USP26: variants seen among roughly 807,000 people sequenced by gnomAD.
USP26 encodes the protein ubiquitin specific peptidase 26, also known as ubiquitin carboxyl-terminal hydrolase 26.
For synonymous variants in USP26, 236 were observed against 240.6 expected (o/e 0.98, Z 0.18); for missense variants, 649 against 642.3 (o/e 1.01, Z -0.11).
chrX:133,039,598 T>G (rs2067410027), intron 5 of USP26, among the ~76,000 whole-genome samples: 1 of 111,940 alleles, frequency 8.9e-6, no homozygotes, highest in South Asian at 3.7e-4. Flanking sequence ...TGGTCAAATT[T>G]AGAATATGTG....
Position 133,082,378 on chromosome X carries a change from A to G in USP26, c.-77+1329T>C, listed in dbSNP as rs188076102. ...CCCTGTAACTCTTCTCCCCTCAGAC[A>G]GACAACAAAAGTGGTCAGAGAACCA... On this transcript the variant is annotated intron_variant, in intron 5 of 5. Transcript: ENST00000511190. Among the ~76,000 whole-genome samples the G allele has an allele frequency of 5.4e-4, 60 of 111,993 alleles. No homozygotes were observed. The Middle Eastern group carries it at 0.014, about 26-fold the overall frequency.
intron 5 of USP26, among the ~76,000 whole-genome samples, chrX:133,064,028 G>A (rs1274321154): frequency 8.9e-6 from 1 of 112,228 alleles, no homozygotes; most frequent in African/African-American, 3.2e-5. Context: ...TAAAGGGATG[G>A]AGGAATATTT....
At chrX:133,031,178 G>A (rs991065629) in intron 5 of USP26, among the ~76,000 whole-genome samples, 6 of 111,850 alleles carry the variant, frequency 5.4e-5, no homozygotes, top group East Asian at 5.6e-4. Context: ...CAAATCTCAC[G>A]GAATAAAAAT....
At chrX:133,083,381 G>A (rs1040390496) in intron 5 of USP26, among the ~76,000 whole-genome samples, 18 of 111,573 alleles carry the variant, frequency 1.6e-4, no homozygotes, top group Admixed American at 2.9e-4. Context: ...TATCCACTGG[G>A]TTTAAATACC....
intron 5 of USP26, among the ~76,000 whole-genome samples, chrX:133,060,091 C>T (rs1351309534): frequency 8.9e-6 from 1 of 112,014 alleles, no homozygotes; most frequent in Non-Finnish European, 1.9e-5. Context: ...ATTAATCAAA[C>T]TGGTATTCAA....
At chrX:133,079,786 G>T (rs1405615419) in intron 5 of USP26, among the ~76,000 whole-genome samples, 3 of 111,863 alleles carry the variant, frequency 2.7e-5, no homozygotes, top group African/African-American at 9.7e-5. Context: ...TGGTGGAGCT[G>T]CAGAAGAAAT....
chrX:133,031,527 C>G (rs190027016), intron 5 of USP26, among the ~76,000 whole-genome samples: 103 of 111,417 alleles, frequency 9.2e-4, no homozygotes, highest in Middle Eastern at 4.6e-3. Flanking sequence ...CTTTCTCCAA[C>G]AGTTAGATGG....
intron 1 of USP26, among the ~76,000 whole-genome samples, chrX:133,092,642 C>T (rs1040573416): frequency 1.8e-5 from 2 of 111,538 alleles, no homozygotes; most frequent in Admixed American, 9.6e-5. Flanking sequence ...ATTCTATGGG[C>T]GAAGTGGACA....
intron 5 of USP26, chrX:133,046,012 G>A (rs921542671): frequency 8.9e-6 from 1 of 111,953 alleles, no homozygotes; most frequent in Admixed American, 9.4e-5. Flanking sequence ...AAAAGCAGGA[G>A]TATGACAGAG....
At chrX:133,043,153 G>A (rs1003240267) in intron 5 of USP26, among the ~76,000 whole-genome samples, 1 of 111,849 alleles carries the variant, frequency 8.9e-6, no homozygotes, top group Non-Finnish European at 1.9e-5. Context: ...AAAAGGATGA[G>A]AATTTTGAGA....
intron 5 of USP26, among the ~76,000 whole-genome samples, chrX:133,074,867 T>C (rs2067542390): frequency 8.9e-6 from 1 of 112,170 alleles, no homozygotes; most frequent in South Asian, 3.7e-4. Context: ...TTCAGGGATA[T>C]TACCAGGACA....
intron 5 of USP26, among the ~76,000 whole-genome samples, chrX:133,045,274 C>T (rs1249482919): frequency 8.9e-6 from 1 of 112,082 alleles, no homozygotes; most frequent in Non-Finnish European, 1.9e-5. Context: ...ACTTTTGTGT[C>T]TAGCTCAGGG....
chrX:133,026,101 A>G lies in USP26; in HGVS notation c.2120T>C (p.Phe707Ser). ...ATTGATAATCCTATCAAAAGCTACAAACTTACTGGTTTTCACATATTTCTT... is the reference window on the plus strand; with the variant it reads ...ATTGATAATCCTATCAAAAGCTACAGACTTACTGGTTTTCACATATTTCTT... ...KRKKYVKTSK[F>S]VAFDRIINPT... Residue 707 changes from phenylalanine (F) to serine (S), a missense_variant, in exon 6 of 6, where the codon TTT (phenylalanine) becomes TCT (serine). Coordinates refer to ENST00000511190, the MANE Select transcript of USP26 (RefSeq NM_031907.3). 8.3e-7 allele frequency: 1 copy of G among 1,210,819 alleles called. No individual in the cohort carries two copies. The highest frequency in any genetic ancestry group is 1.8e-5 in the South Asian group (1 of 56,913).
intron 5 of USP26, among the ~76,000 whole-genome samples, chrX:133,052,907 C>A (rs2067464219): frequency 9.0e-6 from 1 of 111,263 alleles, no homozygotes; most frequent in African/African-American, 3.3e-5. Context: ...CCTATTGCCA[C>A]ATGGAAAAGG....
At chrX:133,030,067 T>C (rs762105227) in intron 5 of USP26, among the ~76,000 whole-genome samples, 1 of 112,119 alleles carries the variant, frequency 8.9e-6, no homozygotes, top group East Asian at 2.8e-4. Flanking sequence ...TATGTGACTA[T>C]TCCATACAGC....
Position 133,024,055 on chromosome X carries a change from A to G in USP26, c.*1424T>C. ...AAGGTTATGATAATAGTGGTGGCAC[A>G]TGCTTGATGGCAAAATTATTAAATC... On this transcript the variant is annotated 3_prime_UTR_variant, in exon 6 of 6. Transcript: ENST00000511190. Among the ~76,000 whole-genome samples the G allele has an allele frequency of 8.9e-6, 1 of 111,925 alleles. No individual in the cohort carries two copies. The highest frequency in any genetic ancestry group is 1.9e-5 in the Non-Finnish European group (1 of 53,217).
rs761469922 is a variant in USP26 at position 133,026,537 on chromosome X, T to C, written c.1684A>G (p.Ser562Gly). The C allele has an allele frequency of 4.1e-6, 5 of 1,209,926 alleles. No homozygotes were observed. The highest frequency in any genetic ancestry group is 5.6e-6 in the Non-Finnish European group (5 of 894,999). Residue 562 changes from serine to glycine, a missense_variant, in exon 6 of 6, where the codon AGT becomes GGT. Physicochemically the swap from Ser to Gly is moderately conservative, Grantham distance 56. Transcript: ENST00000511190. ...AAATCTGTAATTTCTCCATCCTCAC[T>C]CAAGGGAAGAGGTGGTCTGGTGCCT... ...NEGTRPPLPL[S>G]EDGEITDFQL...
Position 133,096,890 on chromosome X carries a change from G to T in USP26, c.-393+140C>A, listed in dbSNP as rs773891008. 7 of 111,703 alleles carry T rather than the reference G, an allele frequency of 6.3e-5. No homozygotes were observed. In the East Asian group the frequency reaches 1.4e-3, roughly 22 times the overall value. The allele number at this position is 111,703 out of a possible 1,213,427, so 9.2% of individuals were successfully genotyped here. A position where few individuals can be genotyped will look rare whatever the true frequency, so the allele number is the denominator to read the frequency against. On this transcript the variant is annotated intron_variant, in intron 1 of 5. Transcript: ENST00000511190. The stretch of plus-strand genomic sequence containing the variant: ...AGCCTGGATGACAGAATGAGACTCC[G>T]TCTCAAAAAAAACAAAAACAGAAAA...
chrX:133,083,032 T>C (rs1413151), intron 5 of USP26, among the ~76,000 whole-genome samples: 3,325 of 111,390 alleles, frequency 0.03, 76 homozygotes, highest in East Asian at 0.099. Context: ...ACTCTGGGTA[T>C]ATATATAATG....
Sources: allele counts gnomAD v4.1 joint callset (sites outside exome capture counted in the v4.1 genomes callset), GRCh38; gene constraint gnomAD v4.1.1; transcripts MANE v1.5; gene names NCBI Gene and HGNC (gene_info 2026-07-23, HGNC 2026-07-21).